CCDC73: variants seen among roughly 807,000 people sequenced by gnomAD.
CCDC73 encodes the protein coiled-coil domain containing 73.
In CCDC73, 95 loss-of-function variants were observed where a neutral mutation model predicts 116.5. The ratio of observed to expected loss-of-function variants is 0.82; its 90% confidence interval spans 0.69 to 0.97. CCDC73 has a LOEUF of 0.97. Among genes scored for constraint, CCDC73 ranks in the 50% least tolerant of loss-of-function variants. The probability of loss-of-function intolerance (pLI) is 0.00; values close to 1 mark genes in which losing one functional copy is unlikely to be tolerated. For synonymous variants in CCDC73, 398 were observed against 401.3 expected (o/e 0.99, Z 0.10); for missense variants, 1,066 against 1,206.8 (o/e 0.88, Z 1.73).
At chr11:32,670,096 G>A (rs1038170355) in intron 9 of CCDC73, among the ~76,000 whole-genome samples, 1 of 152,146 alleles carries the variant, frequency 6.6e-6, no homozygotes, top group South Asian at 2.1e-4. Context: ...CTTTAAAGGT[G>A]CTTTCTTATG....
Position 32,760,091 on chromosome 11 carries a change from T to A in CCDC73, c.135+18A>T. 1 of 1,577,844 alleles carries A rather than the reference T, an allele frequency of 6.3e-7. No individual in the cohort carries two copies. Among genetic ancestry groups the A allele is most frequent in the Non-Finnish European group, 8.6e-7 (1 of 1,166,564 alleles). On this transcript the variant is annotated intron_variant, in intron 2 of 17. Coordinates refer to ENST00000335185, the MANE Select transcript of CCDC73 (RefSeq NM_001008391.4). ...CAAGTTTTCTTATTTAACAAAAGCATTTTAAAAAGGAGCTTACCCTTCTCA... is the reference window on the plus strand; with the variant it reads ...CAAGTTTTCTTATTTAACAAAAGCAATTTAAAAAGGAGCTTACCCTTCTCA...
chr11:32,827,332 T>C, the CCDC73 span, among the ~76,000 whole-genome samples: 1 of 152,220 alleles, frequency 6.6e-6, no homozygotes, highest in Non-Finnish European at 1.5e-5. Flanking sequence ...CTGAAGTTTG[T>C]GTGCATGCTG....
chr11:32,680,397 G>T (rs960576468), intron 7 of CCDC73: 1 of 152,050 alleles, frequency 6.6e-6, no homozygotes, highest in Admixed American at 6.5e-5. Flanking sequence ...CTTTTACGTA[G>T]TTTTACTATC....
chr11:32,675,490 T>C (rs1856077876), intron 9 of CCDC73, 75 bp downstream of exon 9: 1 of 900,222 alleles, frequency 1.1e-6, no homozygotes, highest in Non-Finnish European at 1.7e-6. Context: ...TACCCAACTG[T>C]CCTCTAGTAA....
At chr11:32,746,621 G>A (rs546513902) in intron 2 of CCDC73, among the ~76,000 whole-genome samples, 21 of 152,056 alleles carry the variant, frequency 1.4e-4, no homozygotes, top group Admixed American at 2.6e-4. Context: ...GGCTTTGTTC[G>A]TTTCTTTTCA....
intron 2 of CCDC73, among the ~76,000 whole-genome samples, chr11:32,743,672 G>A (rs1212710053): frequency 3.3e-5 from 5 of 152,136 alleles, no homozygotes; most frequent in Admixed American, 6.5e-5. Context: ...TGTAGTAATT[G>A]TGAATGGGAA....
chr11:32,691,872 C>A (rs555604199), intron 6 of CCDC73, among the ~76,000 whole-genome samples: 1 of 151,984 alleles, frequency 6.6e-6, no homozygotes, highest in Admixed American at 6.5e-5. Context: ...CATGGTGAAA[C>A]CCTGTCTCTA....
At chr11:32,616,199 TAA>T in intron 14 of CCDC73, 70 bp from the exon 15 acceptor site, 1 of 1,404,516 alleles carries the variant, frequency 7.1e-7, no homozygotes, top group Non-Finnish European at 9.6e-7. Context: ...GCAAATGTGA[TAA>T]ATGTGGAATC....
chr11:32,607,461 C>T (rs941168304), intron 17 of CCDC73, among the ~76,000 whole-genome samples: 7 of 152,160 alleles, frequency 4.6e-5, no homozygotes, highest in African/African-American at 1.7e-4. Context: ...AAGAACTCCC[C>T]TATTAGATTA....
chr11:32,663,161 G>C (rs1442502621), intron 9 of CCDC73, among the ~76,000 whole-genome samples: 1 of 152,124 alleles, frequency 6.6e-6, no homozygotes, highest in Non-Finnish European at 1.5e-5. Context: ...GGATTGTCTT[G>C]GCAATGCGTG....
intron 12 of CCDC73, among the ~76,000 whole-genome samples, chr11:32,651,827 A>C (rs965872964): frequency 2.6e-5 from 4 of 152,124 alleles, no homozygotes; most frequent in Non-Finnish European, 5.9e-5. Flanking sequence ...TTTTCTTGGG[A>C]AATGTTCAGC....
rs1476589798 is a variant in CCDC73 at position 32,614,397 on chromosome 11, G to T, written c.1921C>A (p.Pro641Thr). 1 of 1,613,136 alleles carries T rather than the reference G, an allele frequency of 6.2e-7. No homozygotes were observed. ...TTCCGTAAACTATATTTCTGACATG[G>T]AACAGGATTTTTTTTTATATCTAGA... The part of the protein sequence containing the change: ...SSLDIKKNPV[P>T]CQKYSLRNSS... Residue 641 changes from proline (P) to threonine (T), a missense_variant, in exon 16 of 18, where the codon CCA (proline) becomes ACA (threonine). Transcript: ENST00000335185.
intron 7 of CCDC73, among the ~76,000 whole-genome samples, chr11:32,678,882 CAAAA>C (rs55859897): frequency 4.6e-5 from 6 of 131,312 alleles, no homozygotes; most frequent in South Asian, 2.4e-4. Flanking sequence ...GGCTCCGTCA[CAAAA>C]AAAAAAAAAA....
At chr11:32,637,456 C>T (rs1416813292) in intron 13 of CCDC73, among the ~76,000 whole-genome samples, 2 of 152,098 alleles carry the variant, frequency 1.3e-5, no homozygotes, top group African/African-American at 4.8e-5. Context: ...TTTTCCAAGT[C>T]TCACATCATT....
At chr11:32,707,910 C>T (rs1345001854) in intron 3 of CCDC73, among the ~76,000 whole-genome samples, 1 of 152,160 alleles carries the variant, frequency 6.6e-6, no homozygotes, top group Non-Finnish European at 1.5e-5. Context: ...GAACATCTCC[C>T]TCAGGAACTT....
intron 2 of CCDC73, among the ~76,000 whole-genome samples, chr11:32,747,665 C>T (rs1036007366): frequency 1.3e-5 from 2 of 152,152 alleles, no homozygotes; most frequent in African/African-American, 4.8e-5. Context: ...GGCAGATGCC[C>T]CTCCCCCTGC....
At chr11:32,772,375 A>G (rs1400480271) in intron 1 of CCDC73, among the ~76,000 whole-genome samples, 1 of 152,174 alleles carries the variant, frequency 6.6e-6, no homozygotes, top group Non-Finnish European at 1.5e-5. Context: ...TCTAGATTAA[A>G]GGACAACAAA....
chr11:32,602,854 C>CT lies in CCDC73; in HGVS notation c.3196dup (p.Arg1066LysfsTer17), dbSNP rs781654336. ...TTTTTCCAACGTCTCTTCTGCTTTT[C>CT]TTTTCTTTGGCTGGTTGTCATTTTC... On this transcript the variant is annotated frameshift_variant, in exon 18 of 18. Coordinates refer to ENST00000335185, the MANE Select transcript of CCDC73 (RefSeq NM_001008391.4). LOFTEE classifies it high-confidence loss of function. 16 of 1,608,456 alleles carry CT rather than the reference C, an allele frequency of 9.9e-6. No individual in the cohort carries two copies. The highest frequency in any genetic ancestry group is 1.7e-4 in the Middle Eastern group (1 of 6,038).
At chr11:32,641,898 T>G in intron 13 of CCDC73, 74 bp downstream of exon 13, 1 of 1,112,104 alleles carries the variant, frequency 9.0e-7, no homozygotes, top group Non-Finnish European at 1.2e-6. Context: ...CAATATTTTC[T>G]TAGCATTTAT....
Sources: gnomAD v4.1 joint callset for allele counts (sites outside exome capture counted in the v4.1 genomes callset) on GRCh38, gnomAD v4.1.1 for gene constraint, MANE v1.5 for transcripts, NCBI Gene and HGNC (gene_info 2026-07-23, HGNC 2026-07-21) for gene names.